KCNT2: variants seen among roughly 807,000 people sequenced by gnomAD.
KCNT2 encodes the protein potassium channel subfamily T member 2.
In KCNT2, 67 loss-of-function variants were observed where a neutral mutation model predicts 153.8. The observed-to-expected ratio is 0.44, with a 90% CI of 0.36 to 0.53. KCNT2 has a LOEUF of 0.53. Among genes scored for constraint, KCNT2 ranks in the 20% least tolerant of loss-of-function variants. The pLI is 0.00. For synonymous variants in KCNT2, 500 were observed against 458.8 expected (o/e 1.09, Z -1.15); for missense variants, 975 against 1,354.8 (o/e 0.72, Z 4.40).
intron 12 of KCNT2, 59 bp from the exon 13 acceptor site, chr1:196,398,730 G>A: frequency 1.1e-6 from 1 of 882,918 alleles, no homozygotes; most frequent in Non-Finnish European, 1.8e-6. Context: ...AACATATAAA[G>A]TAAAAGTAAG....
intron 5 of KCNT2, among the ~76,000 whole-genome samples, chr1:196,475,528 A>G (rs1678455717): frequency 6.6e-6 from 1 of 152,000 alleles, no homozygotes; most frequent in African/African-American, 2.4e-5. Flanking sequence ...GGGTGAGGCG[A>G]GCGGATCTAT....
intron 1 of KCNT2, among the ~76,000 whole-genome samples, chr1:196,514,271 T>C (rs1306747986): frequency 6.6e-6 from 1 of 152,214 alleles, no homozygotes; most frequent in African/African-American, 2.4e-5. Context: ...TTTCCTCTTG[T>C]TCTTATTTAC....
chr1:196,330,253 A>G (rs1224262848), intron 18 of KCNT2, among the ~76,000 whole-genome samples: 1 of 151,760 alleles, frequency 6.6e-6, no homozygotes, highest in Non-Finnish European at 1.5e-5. Flanking sequence ...GCAAGAATAT[A>G]TTAAGCACCA....
chr1:196,469,081 A>G lies in KCNT2; in HGVS notation c.385-13T>C, dbSNP rs1203089102. ...CCCAGATGTTTCCCTTCCAAGAAAG[A>G]ATGAATAAAAACGAAAGTCAATTAT... On this transcript the variant is annotated splice_polypyrimidine_tract_variant and intron_variant, in intron 5 of 27. Transcript: ENST00000294725. 1 of 1,543,912 alleles carries G rather than the reference A, an allele frequency of 6.5e-7. No homozygotes were observed. The highest frequency in any genetic ancestry group is 2.3e-5 in the East Asian group (1 of 43,876).
chr1:196,265,407 C>T (rs541057002), intron 25 of KCNT2, among the ~76,000 whole-genome samples: 18 of 152,170 alleles, frequency 1.2e-4, no homozygotes, highest in African/African-American at 3.6e-4. Context: ...TATTTAGGAA[C>T]GGGAGTTTGG....
intron 1 of KCNT2, among the ~76,000 whole-genome samples, chr1:196,563,535 T>C (rs1235242841): frequency 6.7e-6 from 1 of 149,284 alleles, no homozygotes; most frequent in Non-Finnish European, 1.5e-5. Context: ...AAACCAACAT[T>C]ACCTTCATAC....
At chr1:196,314,402 T>A (rs1046327747) in intron 21 of KCNT2, among the ~76,000 whole-genome samples, 9 of 151,642 alleles carry the variant, frequency 5.9e-5, no homozygotes, top group Admixed American at 1.3e-4. Context: ...AGAAAAAAAA[T>A]TTATATATCT....
Position 196,348,349 on chromosome 1 carries a change from C to G in KCNT2, c.1404-6121G>C, listed in dbSNP as rs951269599. On this transcript the variant is annotated intron_variant, in intron 14 of 27. Transcript: ENST00000294725. ...TGGACAAAAAGCGTAGAGTGGGAAG[C>G]TCATCGAAAATTATGAAAAACCATT... 2.6e-5 allele frequency among the ~76,000 whole-genome samples: 4 copies of G among 152,010 alleles called. No homozygotes were observed. In the East Asian group the frequency reaches 7.7e-4, roughly 29 times the overall value.
At chr1:196,593,286 C>A (rs1663609920) in intron 1 of KCNT2, among the ~76,000 whole-genome samples, 1 of 125,156 alleles carries the variant, frequency 8.0e-6, no homozygotes, top group African/African-American at 3.0e-5. Flanking sequence ...AGTATTCCAT[C>A]ATATATATAA....
Position 196,423,064 on chromosome 1 carries a change from C to A in KCNT2, c.1171G>T (p.Asp391Tyr). 6.3e-7 allele frequency: 1 copy of A among 1,599,046 alleles called. No homozygotes were observed. The highest frequency in any genetic ancestry group is 8.5e-7 in the Non-Finnish European group (1 of 1,170,234). ...TAGAAACTTACAGATGATGTCCTAT[C>A]CACTTCACAACGGCTACTGAGAATA... ...CFILSSRCEVDRTSSDHQTIL... is the reference protein window; with the variant it reads ...CFILSSRCEVYRTSSDHQTIL... Residue 391 changes from aspartate to tyrosine, a missense_variant, in exon 12 of 28, where the codon GAT becomes TAT. Around this residue, in one of 6 missense-constraint regions of KCNT2, gnomAD observed 202 missense variants for 314.9 expected, o/e 0.64. Coordinates refer to ENST00000294725, the MANE Select transcript of KCNT2 (RefSeq NM_198503.5).
At chr1:196,543,006 A>T (rs572931668) in intron 1 of KCNT2, among the ~76,000 whole-genome samples, 1 of 152,312 alleles carries the variant, frequency 6.6e-6, no homozygotes, top group African/African-American at 2.4e-5. Context: ...AAACACGTTC[A>T]GAGTAGTGTT....
At chr1:196,531,855 C>A (rs572606556) in intron 1 of KCNT2, among the ~76,000 whole-genome samples, 1 of 152,004 alleles carries the variant, frequency 6.6e-6, no homozygotes, top group South Asian at 2.1e-4. Flanking sequence ...GAAGAACTGA[C>A]GACTGAAGCA....
chr1:196,430,033 GAT>G (rs1417209003), intron 8 of KCNT2, among the ~76,000 whole-genome samples: 1 of 152,024 alleles, frequency 6.6e-6, no homozygotes, highest in Non-Finnish European at 1.5e-5. Context: ...TTTCATGGGT[GAT>G]ACACATAGAC....
At chr1:196,388,413 T>C (rs1293691451) in intron 13 of KCNT2, among the ~76,000 whole-genome samples, 3 of 151,700 alleles carry the variant, frequency 2.0e-5, no homozygotes, top group Non-Finnish European at 3.0e-5. Flanking sequence ...TTATTTAAAA[T>C]AAGATTATTA....
At chr1:196,270,123 T>C (rs981294035) in intron 25 of KCNT2, among the ~76,000 whole-genome samples, 5 of 152,044 alleles carry the variant, frequency 3.3e-5, no homozygotes, top group Non-Finnish European at 5.9e-5. Context: ...TAAAAGTTAA[T>C]GCAAATTTTA....
intron 12 of KCNT2, among the ~76,000 whole-genome samples, chr1:196,414,493 A>T (rs1005366146): frequency 6.6e-6 from 1 of 151,854 alleles, no homozygotes; most frequent in Non-Finnish European, 1.5e-5. Flanking sequence ...AACCTAACAA[A>T]TATTTCTCCA....
chr1:196,304,249 G>A (rs751363380), intron 22 of KCNT2, among the ~76,000 whole-genome samples: 1 of 152,094 alleles, frequency 6.6e-6, no homozygotes, highest in Non-Finnish European at 1.5e-5. Context: ...ACAGCATCTG[G>A]TCTGTCATAA....
chr1:196,373,732 GATA>G (rs973528088), intron 13 of KCNT2, among the ~76,000 whole-genome samples: 2 of 151,832 alleles, frequency 1.3e-5, no homozygotes, highest in African/African-American at 2.4e-5. Context: ...AGATTTAGCA[GATA>G]ATATGTGCCT....
intron 3 of KCNT2, among the ~76,000 whole-genome samples, chr1:196,488,965 C>G (rs1406989296): frequency 1.3e-5 from 2 of 151,920 alleles, no homozygotes; most frequent in African/African-American, 4.8e-5. Flanking sequence ...AACTGGGCTA[C>G]AAGGCACAAT....
Sources: allele counts gnomAD v4.1 joint callset (sites outside exome capture counted in the v4.1 genomes callset), GRCh38; gene constraint gnomAD v4.1.1; regional missense constraint gnomAD v4.1.1; transcripts MANE v1.5; gene names NCBI Gene and HGNC (gene_info 2026-07-23, HGNC 2026-07-21).